The following CCM2L variants were observed in gnomAD, a reference collection of about 807,000 sequenced individuals.
CCM2L encodes CCM2 like scaffold protein.
Under a neutral mutation model 54.1 loss-of-function variants are expected in CCM2L, and 36 were observed. The ratio of observed to expected loss-of-function variants is 0.67; its 90% CI spans 0.51 to 0.88. CCM2L has a LOEUF of 0.88. Ranked by LOEUF, CCM2L falls within the 40% of genes least tolerant of loss-of-function variation. CCM2L has a pLI of 0.00. For synonymous variants in CCM2L, 351 were observed against 359.3 expected (o/e 0.98, Z 0.26); for missense variants, 700 against 812.1 (o/e 0.86, Z 1.68).
chr20:32,019,870 C>G (rs755825526), intron 5 of CCM2L, among the ~76,000 whole-genome samples: 2 of 152,202 alleles, frequency 1.3e-5, no homozygotes, highest in African/African-American at 4.8e-5. Context: ...TAGGCAAGGT[C>G]ACACAGGAAG....
chr20:32,025,583 G>A (rs149861252), intron 6 of CCM2L, among the ~76,000 whole-genome samples: 431 of 150,848 alleles, frequency 2.9e-3, no homozygotes, highest in African/African-American at 0.01. Flanking sequence ...TTTTTGTCTT[G>A]CCTGAAACAC....
chr20:32,010,533 T>C, intron 1 of CCM2L, 49 bp downstream of exon 1: 1 of 259,222 alleles, frequency 3.9e-6, no homozygotes, highest in South Asian at 6.2e-5. Flanking sequence ...TCCCCAAAGC[T>C]GGGGAAGGGG....
In CCM2L at chr20:32,022,792, C is replaced by A; in HGVS notation, c.1066C>A (p.Arg356Ser). 1.2e-6 allele frequency: 2 copies of A among 1,612,760 alleles called. No individual in the cohort carries two copies. Among genetic ancestry groups the A allele is most frequent in the Non-Finnish European group, 1.7e-6 (2 of 1,179,990 alleles). ...ACCTGAACGGCCATGGCTCTGCAGC[C>A]GCAGTGAGTACCAGAACTCCTGGCC... is the stretch of plus-strand genomic sequence containing the variant. ...STPERPWLCSRSESCHTDGTY... is the reference protein window; with the variant it reads ...STPERPWLCSSSESCHTDGTY... The change falls in exon 6 of 10, where the codon CGC becomes AGC. Residue 356 changes from arginine to serine, a missense_variant. Coordinates refer to ENST00000452892, the MANE Select transcript of CCM2L (RefSeq NM_001365692.1).
At chr20:32,015,775 A>T (rs2064736180) in intron 2 of CCM2L, among the ~76,000 whole-genome samples, 1 of 151,846 alleles carries the variant, frequency 6.6e-6, no homozygotes, top group East Asian at 1.9e-4. Flanking sequence ...ATGAGATTTT[A>T]CTGCAGTGAC....
intron 2 of CCM2L, 127 bp downstream of exon 2, chr20:32,015,198 G>C: frequency 1.0e-6 from 1 of 965,976 alleles, no homozygotes; most frequent in Non-Finnish European, 1.4e-6. Context: ...AAGAGGCCTG[G>C]GTTCATGTCA....
intron 7 of CCM2L, chr20:32,028,023 GA>G (rs2064878878): frequency 6.6e-6 from 1 of 152,402 alleles, no homozygotes; most frequent in African/African-American, 2.4e-5. Flanking sequence ...AAGAGAGGCA[GA>G]GGGGGACCGC....
At chr20:32,022,414 A>G (rs2064813103) in intron 5 of CCM2L, among the ~76,000 whole-genome samples, 2 of 152,220 alleles carry the variant, frequency 1.3e-5, no homozygotes, top group South Asian at 4.1e-4. Flanking sequence ...AGGCTGATGA[A>G]TCCTCCACAA....
intron 7 of CCM2L, among the ~76,000 whole-genome samples, chr20:32,026,240 G>A (rs2064859479): frequency 1.3e-5 from 2 of 152,200 alleles, no homozygotes; most frequent in South Asian, 4.1e-4. Context: ...TTGGTTCCAT[G>A]TAATAGAAAA....
chr20:32,019,402 C>T lies in CCM2L; in HGVS notation c.926C>T (p.Ala309Val). 6.5e-7 allele frequency: 1 copy of T among 1,527,978 alleles called. No homozygotes were observed. Among genetic ancestry groups the T allele is most frequent in the Non-Finnish European group, 8.7e-7 (1 of 1,145,958 alleles). 94.7% of individuals were successfully genotyped at this position (1,527,978 alleles called of 1,614,324 possible). A position where few individuals can be genotyped will look rare whatever the true frequency, so the allele number is the denominator to read the frequency against. ...TGCAACCTGGTCATCCTGGCTGTAGCCAACAGGGTGAGCCCGAGGGCAGCC... is the reference window on the plus strand; with the variant it reads ...TGCAACCTGGTCATCCTGGCTGTAGTCAACAGGGTGAGCCCGAGGGCAGCC... The part of the protein sequence containing the change: ...AYCNLVILAV[A>V]NRDAAEESCA... Residue 309 changes from alanine (A) to valine (V), a missense_variant, in exon 5 of 10, where the codon GCC becomes GTC. Transcript: ENST00000452892.
chr20:32,024,594 A>G (rs1018266546), intron 6 of CCM2L, among the ~76,000 whole-genome samples: 1 of 152,228 alleles, frequency 6.6e-6, no homozygotes, highest in Non-Finnish European at 1.5e-5. Flanking sequence ...TGGGAGGCCA[A>G]GGCAGGTGGA....
intron 7 of CCM2L, chr20:32,028,681 G>T: frequency 2.9e-6 from 1 of 349,068 alleles, no homozygotes; most frequent in South Asian, 3.3e-5. Flanking sequence ...TAAGATCACG[G>T]GATGAGTAAG....
In CCM2L at chr20:32,031,870, C is replaced by T. The variant is rs2064933913; in HGVS notation, c.*556C>T. 1.3e-5 allele frequency: 2 copies of T among 152,306 alleles called. No individual in the cohort carries two copies. The highest frequency in any genetic ancestry group is 4.8e-5 in the African/African-American group (2 of 41,420). 9.4% of individuals were successfully genotyped at this position (152,306 alleles called of 1,614,324 possible). ...GCTCTAAATGTCAGGGTCTCCCATCCCCTGATGCCTGACTTGTACAGTCAG... is the reference window on the plus strand; with the variant it reads ...GCTCTAAATGTCAGGGTCTCCCATCTCCTGATGCCTGACTTGTACAGTCAG... On this transcript the variant is annotated 3_prime_UTR_variant, in exon 10 of 10. Transcript: ENST00000452892.
In CCM2L at chr20:32,019,232, AGGC is replaced by A. The variant is rs749268099; in HGVS notation, c.776_778del (p.Gly259del). On this transcript the variant is annotated inframe_deletion, in exon 5 of 10. Transcript: ENST00000452892. ...GCGGCAGCTGGGAGCGGCGGCACGG[AGGC>A]GGCGGCGGCGGCGGCGGCGCGGGAA... 719 of 1,149,364 alleles carry A rather than the reference AGGC, an allele frequency of 6.3e-4. No individual in the cohort carries two copies. Among genetic ancestry groups the A allele is most frequent in the South Asian group, 8.1e-4 (19 of 23,318 alleles). The allele number at this position is 1,149,364 out of a possible 1,614,324, so 71.2% of individuals were successfully genotyped here.
chr20:32,015,873 T>TTTTTTTTTTTTTC, intron 2 of CCM2L, among the ~76,000 whole-genome samples: 1 of 151,236 alleles, frequency 6.6e-6, no homozygotes, highest in African/African-American at 2.4e-5. Context: ...TTTTTTTTTT[T>TTTTTTTTTTTTTC]TGAGACAGAG....
chr20:32,017,958 G>A lies in CCM2L; in HGVS notation c.283-21G>A, dbSNP rs948504892. 3.7e-6 allele frequency: 6 copies of A among 1,613,162 alleles called. No individual in the cohort carries two copies. The African/African-American group carries it at 8.0e-5, about 22-fold the overall frequency. The stretch of plus-strand genomic sequence containing the variant: ...TTCTACCTGCGGACCTCGGGAACTC[G>A]AGATCTGCCCCTCCCTGCAGCAGCT... On this transcript the variant is annotated intron_variant, in intron 3 of 9. Transcript: ENST00000452892.
At chr20:32,019,460 T>TCCCCGCCCCCACCTTGC (rs1276156106) in intron 5 of CCM2L, 51 bp downstream of exon 5, 2 of 1,330,974 alleles carry the variant, frequency 1.5e-6, no homozygotes, top group Non-Finnish European at 9.9e-7. Flanking sequence ...GAACGCTGCT[T>TCCCCGCCCCCACCTTGC]CCCCGCCCCC....
Position 32,031,017 on chromosome 20 carries a change from C to A in CCM2L, c.1419C>A (p.Ile473=), listed in dbSNP as rs1449785599. 1.5e-6 allele frequency: 2 copies of A among 1,304,204 alleles called. No individual in the cohort carries two copies. The highest frequency in any genetic ancestry group is 2.5e-5 in the South Asian group (2 of 81,028). 80.8% of individuals were successfully genotyped at this position (1,304,204 alleles called of 1,614,324 possible). Residue 473 remains isoleucine, a synonymous_variant, in exon 10 of 10, where the codon ATC becomes ATA. Transcript: ENST00000452892. The part of the protein sequence containing the change: ...KFLLLGMRPF[I]PDQDIGYFEG... ...GGCTCGCAGGGATGCGGCCCTTCAT[C>A]CCGGACCAGGACATCGGCTACTTCG...
chr20:32,018,100 A>G lies in CCM2L; in HGVS notation c.404A>G (p.His135Arg), dbSNP rs1452298084. 4.3e-6 allele frequency: 7 copies of G among 1,611,364 alleles called. No homozygotes were observed. The South Asian group carries it at 5.5e-5, about 13-fold the overall frequency. ...GAGCTCATTCTGCGAATCCCTACGC[A>G]CGAGATCGCCGCCGCCTCCTACCTG... ...NEELILRIPT[H>R]EIAAASYLQD... The change falls in exon 4 of 10, where the codon CAC (histidine) becomes CGC (arginine). Residue 135 changes from histidine (H) to arginine (R), a missense_variant. Coordinates refer to ENST00000452892, the MANE Select transcript of CCM2L (RefSeq NM_001365692.1).
chr20:32,019,870 C>T (rs755825526), intron 5 of CCM2L, among the ~76,000 whole-genome samples: 1 of 152,202 alleles, frequency 6.6e-6, no homozygotes, highest in Non-Finnish European at 1.5e-5. Flanking sequence ...TAGGCAAGGT[C>T]ACACAGGAAG....
Sources: gnomAD v4.1 joint callset for allele counts (sites outside exome capture counted in the v4.1 genomes callset) on GRCh38, gnomAD v4.1.1 for gene constraint, MANE v1.5 for transcripts, NCBI Gene and HGNC (gene_info 2026-07-23, HGNC 2026-07-21) for gene names.